The following NPHP3 variants were observed in gnomAD, a reference collection of about 807,000 sequenced individuals.
The protein encoded by NPHP3 is nephrocystin 3.
A neutral mutation model predicts 171.9 loss-of-function variants in NPHP3; 123 were observed. That is an observed-to-expected ratio of 0.72 (90% confidence interval 0.62 to 0.83). NPHP3 has a LOEUF of 0.83. NPHP3 is among the 40% of genes least tolerant of loss of function. The pLI, the probability that NPHP3 is intolerant of heterozygous loss-of-function variation, is 0.00. For missense variants in NPHP3, 1,506 were observed against 1,591.9 expected, an observed-to-expected ratio of 0.95 and a Z score of 0.92; for synonymous variants, 558 against 579.2, an observed-to-expected ratio of 0.96 and a Z score of 0.52.
At chr3:132,691,711 T>C (rs1318999812) in intron 17 of NPHP3, among the ~76,000 whole-genome samples, 1 of 152,180 alleles carries the variant, frequency 6.6e-6, no homozygotes, top group African/African-American at 2.4e-5. Flanking sequence ...AACCATGGCA[T>C]TGCAGATGAT....
At chr3:132,697,717 C>G (rs1363204401) in intron 13 of NPHP3, among the ~76,000 whole-genome samples, 1 of 152,178 alleles carries the variant, frequency 6.6e-6, no homozygotes, top group Non-Finnish European at 1.5e-5. Flanking sequence ...TCCACAAGCA[C>G]TTGTAATGCA....
chr3:132,684,919 G>T, intron 23 of NPHP3, 125 bp from the exon 24 acceptor site: 3 of 1,221,330 alleles, frequency 2.5e-6, no homozygotes, highest in Admixed American at 1.9e-5. Context: ...AAGAGATTCA[G>T]CTCAAAATCT....
chr3:132,701,639 A>G, intron 9 of NPHP3, 106 bp from the exon 10 acceptor site: 1 of 787,418 alleles, frequency 1.3e-6, no homozygotes, highest in Non-Finnish European at 2.2e-6. Flanking sequence ...AAGCTGTGTG[A>G]GAAAATGAAA....
At position 132,707,527 on chromosome 3, in the gene NPHP3, T is replaced by C. The variant is rs1031796053; in HGVS notation, c.1275+574A>G. On this transcript the variant is annotated intron_variant, in intron 7 of 26. Transcript: ENST00000337331. The stretch of plus-strand genomic sequence containing the variant: ...CCTTGGTCAGTAGACAGAAGAACTC[T>C]GTGCTTGGGAGAAAAGCACAAAATA... Among the ~76,000 whole-genome samples the C allele has an allele frequency of 4.1e-4, 63 of 152,194 alleles. 1 individual carries two copies. The highest frequency in any genetic ancestry group is 3.3e-3 in the Admixed American group (50 of 15,290).
rs1017223192 is a variant in NPHP3, at chr3:132,708,270, T to A, written c.1119-13A>T. 6 of 1,612,760 alleles carry A rather than the reference T, an allele frequency of 3.7e-6. No homozygotes were observed. The African/African-American group carries it at 8.0e-5, about 22-fold the overall frequency. On this transcript the variant is annotated splice_polypyrimidine_tract_variant and intron_variant, in intron 6 of 26. Transcript: ENST00000337331. Reference sequence around the variant, plus strand: ...TTCCAATAAAAGGCTAGATTGGAAATCAGCATTTTGTGTGCTATACTGCAT... The same window carrying A: ...TTCCAATAAAAGGCTAGATTGGAAAACAGCATTTTGTGTGCTATACTGCAT...
At chr3:132,719,919 T>G (rs1940162110) in intron 1 of NPHP3, 89 bp from the exon 2 acceptor site, 2 of 492,546 alleles carry the variant, frequency 4.1e-6, no homozygotes, top group East Asian at 1.2e-4. Context: ...TATATATATA[T>G]GTTACGTATC....
chr3:132,692,749 T>A lies in NPHP3; in HGVS notation c.2380A>T (p.Met794Leu). Residue 794 changes from methionine (M) to leucine (L), a missense_variant, in exon 17 of 27, where the codon ATG (methionine) becomes TTG (leucine). Physicochemically the swap from Met to Leu is conservative, Grantham distance 15. Transcript: ENST00000337331. ...ESELMELYPE[M>L]SWTFLTSLIH... Reference sequence around the variant, plus strand: ...AGGGAGGTCAAGAAAGTCCAGGACATCTCAGGATAGAGTTCCATCAGTTCT... The same window carrying A: ...AGGGAGGTCAAGAAAGTCCAGGACAACTCAGGATAGAGTTCCATCAGTTCT... 11 of 1,613,920 alleles carry A rather than the reference T, an allele frequency of 6.8e-6. No homozygotes were observed. The highest frequency in any genetic ancestry group is 9.3e-6 in the Non-Finnish European group (11 of 1,179,820).
At chr3:132,709,056 T>A (rs1274355705) in intron 6 of NPHP3, among the ~76,000 whole-genome samples, 6 of 152,072 alleles carry the variant, frequency 3.9e-5, no homozygotes, top group Non-Finnish European at 1.5e-5. Context: ...ATCTAATAAA[T>A]GACCCTAATC....
At chr3:132,684,107 G>A (rs1576660071) in intron 24 of NPHP3, among the ~76,000 whole-genome samples, 2 of 152,054 alleles carry the variant, frequency 1.3e-5, no homozygotes, top group Admixed American at 1.3e-4. Context: ...GCAAACAATG[G>A]TTACATTTAA....
At chr3:132,698,536 C>T (rs772133519) in intron 13 of NPHP3, among the ~76,000 whole-genome samples, 1 of 152,134 alleles carries the variant, frequency 6.6e-6, no homozygotes, top group Non-Finnish European at 1.5e-5. Context: ...CCTGGCCTCC[C>T]GAAGTGCTGG....
chr3:132,719,399 T>C (rs1352095274), intron 2 of NPHP3, among the ~76,000 whole-genome samples: 1 of 152,152 alleles, frequency 6.6e-6, no homozygotes, highest in African/African-American at 2.4e-5. Flanking sequence ...TTTGTCTCTC[T>C]CCCACTAAAT....
chr3:132,699,756 G>A (rs768596514), intron 12 of NPHP3, among the ~76,000 whole-genome samples, 162 bp downstream of exon 12: 9 of 152,024 alleles, frequency 5.9e-5, no homozygotes, highest in East Asian at 3.9e-4. Flanking sequence ...GTGGGCATAC[G>A]ATATATTTTT....
intron 1 of NPHP3, chr3:132,721,384 G>C: frequency 5.6e-6 from 1 of 177,030 alleles, no homozygotes; most frequent in Non-Finnish European, 1.2e-5. Flanking sequence ...TTCATGTCAA[G>C]ACCATTAAAA....
At chr3:132,708,976 C>T (rs897369492) in intron 6 of NPHP3, among the ~76,000 whole-genome samples, 1 of 152,182 alleles carries the variant, frequency 6.6e-6, no homozygotes, top group Admixed American at 6.5e-5. Context: ...AGGAGAGGTG[C>T]TTCTCTGTTT....
At chr3:132,699,078 A>G (rs558092535) in intron 13 of NPHP3, among the ~76,000 whole-genome samples, 16 of 152,142 alleles carry the variant, frequency 1.1e-4, no homozygotes, top group African/African-American at 3.6e-4. Flanking sequence ...TTTTTTGTAG[A>G]GACAGGGTTT....
intron 1 of NPHP3, chr3:132,721,329 GAGA>G (rs148033329): frequency 0.024 from 3,724 of 158,136 alleles, 159 homozygotes; most frequent in African/African-American, 0.085. Flanking sequence ...ACTACATCTA[GAGA>G]AGGTTTTCAA....
At chr3:132,715,912 A>T (rs1281231067) in intron 4 of NPHP3, among the ~76,000 whole-genome samples, 1 of 152,228 alleles carries the variant, frequency 6.6e-6, no homozygotes, top group African/African-American at 2.4e-5. Context: ...TTCCCCTCAC[A>T]TACCAAATCC....
intron 16 of NPHP3, among the ~76,000 whole-genome samples, chr3:132,694,616 A>G (rs934275588): frequency 6.6e-6 from 1 of 152,200 alleles, no homozygotes; most frequent in Non-Finnish European, 1.5e-5. Context: ...AGCAATTCAG[A>G]AAAAAAGGAT....
chr3:132,710,990 A>T (rs1407846039), intron 6 of NPHP3, among the ~76,000 whole-genome samples: 1 of 152,256 alleles, frequency 6.6e-6, no homozygotes, highest in Non-Finnish European at 1.5e-5. Flanking sequence ...AATTTCTTAT[A>T]AGAGGCCTGA....
Sources: gnomAD v4.1 joint callset for allele counts (sites outside exome capture counted in the v4.1 genomes callset) on GRCh38, gnomAD v4.1.1 for gene constraint, MANE v1.5 for transcripts, NCBI Gene and HGNC (gene_info 2026-07-23, HGNC 2026-07-21) for gene names.